Variants in NRCAM observed in about 807,000 individuals in gnomAD.
NRCAM encodes the protein neuronal cell adhesion molecule.
In NRCAM, 83 loss-of-function variants were observed where a neutral mutation model predicts 156.5. The observed-to-expected ratio is 0.53, with a 90% CI of 0.44 to 0.64. NRCAM has a LOEUF of 0.64. Ranked by LOEUF, NRCAM falls within the 30% of genes least tolerant of loss-of-function variation. The pLI is 0.00. For missense variants in NRCAM, 1,417 were observed against 1,597.3 expected, an observed-to-expected ratio of 0.89 and a Z score of 1.92; for synonymous variants, 538 against 563.9, an observed-to-expected ratio of 0.95 and a Z score of 0.65.
At chr7:108,405,631 G>A (rs1224109485) in intron 1 of NRCAM, among the ~76,000 whole-genome samples, 1 of 152,160 alleles carries the variant, frequency 6.6e-6, no homozygotes, top group Non-Finnish European at 1.5e-5. Flanking sequence ...TGCTCAAAGA[G>A]TTAAGCAAAC....
chr7:108,219,843 C>T (rs1010471109), intron 11 of NRCAM, among the ~76,000 whole-genome samples: 29 of 152,086 alleles, frequency 1.9e-4, no homozygotes, highest in African/African-American at 7.0e-4. Context: ...ACTGGAAGTC[C>T]TAGCCAGAGC....
chr7:108,448,609 C>A (rs1435085426), intron 1 of NRCAM, among the ~76,000 whole-genome samples: 1 of 152,162 alleles, frequency 6.6e-6, no homozygotes, highest in East Asian at 1.9e-4. Context: ...ATAATACATT[C>A]TAGTACCCTC....
At chr7:108,432,363 G>A (rs987667944) in intron 1 of NRCAM, among the ~76,000 whole-genome samples, 3 of 152,270 alleles carry the variant, frequency 2.0e-5, no homozygotes, top group East Asian at 1.9e-4. Context: ...CTTCTTGTTC[G>A]AAGAATTGGT....
chr7:108,450,850 T>C (rs955479993), intron 1 of NRCAM, among the ~76,000 whole-genome samples: 5 of 152,240 alleles, frequency 3.3e-5, no homozygotes, highest in Admixed American at 6.5e-5. Flanking sequence ...TCCATATTAA[T>C]AAATGTTAAA....
chr7:108,295,344 TATAAC>T (rs2098433573), intron 3 of NRCAM, among the ~76,000 whole-genome samples: 1 of 152,190 alleles, frequency 6.6e-6, no homozygotes, highest in African/African-American at 2.4e-5. Flanking sequence ...TTCAGGCTGT[TATAAC>T]AAAGTACCAT....
At chr7:108,411,298 C>G (rs1331694829) in intron 1 of NRCAM, among the ~76,000 whole-genome samples, 1 of 152,022 alleles carries the variant, frequency 6.6e-6, no homozygotes, top group African/African-American at 2.4e-5. Flanking sequence ...GGATGATACC[C>G]TTAAGGTTTT....
At chr7:108,300,834 TACTC>T (rs992368659) in intron 3 of NRCAM, among the ~76,000 whole-genome samples, 6 of 152,206 alleles carry the variant, frequency 3.9e-5, no homozygotes, top group Admixed American at 6.5e-5. Context: ...TAAAATATCA[TACTC>T]AATACAACTC....
At chr7:108,335,134 A>AT (rs1287455565) in intron 2 of NRCAM, among the ~76,000 whole-genome samples, 1 of 152,306 alleles carries the variant, frequency 6.6e-6, no homozygotes, top group East Asian at 1.9e-4. Context: ...GAGCAAGAAA[A>AT]TTATGGAGCT....
intron 6 of NRCAM, among the ~76,000 whole-genome samples, chr7:108,232,975 T>C (rs1398798988): frequency 6.6e-6 from 1 of 152,158 alleles, no homozygotes; most frequent in Admixed American, 6.6e-5. Context: ...ATCAGACAAA[T>C]TTCAAGTTAC....
chr7:108,221,468 A>G (rs2092247737), intron 11 of NRCAM, among the ~76,000 whole-genome samples: 1 of 152,172 alleles, frequency 6.6e-6, no homozygotes. Flanking sequence ...TCAATCAACA[A>G]GTGGATAAAG....
intron 13 of NRCAM, among the ~76,000 whole-genome samples, chr7:108,200,290 T>C (rs1026119284): frequency 6.6e-6 from 1 of 152,202 alleles, no homozygotes; most frequent in African/African-American, 2.4e-5. Flanking sequence ...ACAGGGTATA[T>C]AGATTCGTTG....
In NRCAM at chr7:108,240,143, A is replaced by G. The variant is rs2095429888; in HGVS notation, c.-79T>C. ...AAAGATTTTGTGAAACGTTGTGTGC[A>G]ACGTTTAAGTAATTTTCATGCGGGA... On this transcript the variant is annotated 5_prime_UTR_variant, in exon 4 of 33. Coordinates refer to ENST00000379028, the MANE Select transcript of NRCAM (RefSeq NM_001037132.4). 1.1e-6 allele frequency: 1 copy of G among 924,550 alleles called. No homozygotes were observed. The highest frequency in any genetic ancestry group is 1.7e-5 in the African/African-American group (1 of 60,390). The allele number at this position is 924,550 out of a possible 1,614,324, so 57.3% of individuals were successfully genotyped here. A position where few individuals can be genotyped will look rare whatever the true frequency, so the allele number is the denominator to read the frequency against.
In NRCAM at chr7:108,195,847, A is replaced by C; in HGVS notation, c.1377T>G (p.Pro459=). 1 of 1,613,164 alleles carries C rather than the reference A, an allele frequency of 6.2e-7. No individual in the cohort carries two copies. Residue 459 remains proline (P), a synonymous_variant, in exon 15 of 33, where the codon CCT becomes CCG. Transcript: ENST00000379028. ...CAATGACCTGGTAGAGTGTGTTTGC[A>C]GGTGTGAGGATTCGTGGTGGCTCAG... ...VLAEPPRILT[P]ANTLYQVIAN...
At chr7:108,182,985 C>A in intron 22 of NRCAM, 65 bp from the exon 23 acceptor site, 1 of 1,299,014 alleles carries the variant, frequency 7.7e-7, no homozygotes, top group African/African-American at 1.5e-5. Flanking sequence ...TTTACAGGAA[C>A]AGCAAATTCA....
intron 2 of NRCAM, among the ~76,000 whole-genome samples, chr7:108,333,932 T>G (rs2099152544): frequency 6.6e-6 from 1 of 152,174 alleles, no homozygotes; most frequent in African/African-American, 2.4e-5. Context: ...CAGTTCTTGT[T>G]TGAATGTGTG....
intron 3 of NRCAM, among the ~76,000 whole-genome samples, chr7:108,294,314 T>C (rs1257404206): frequency 4.7e-5 from 7 of 147,590 alleles, no homozygotes; most frequent in African/African-American, 1.5e-4. Flanking sequence ...CATGGGCTCC[T>C]GCCCAGAAGG....
intron 3 of NRCAM, among the ~76,000 whole-genome samples, chr7:108,272,751 TTTTTC>T (rs1209431702): frequency 6.6e-6 from 1 of 152,054 alleles, no homozygotes; most frequent in Non-Finnish European, 1.5e-5. Context: ...GAATTCTATT[TTTTTC>T]TTTATTATTA....
chr7:108,451,420 T>A (rs145635874), intron 1 of NRCAM, among the ~76,000 whole-genome samples: 1 of 144,734 alleles, frequency 6.9e-6, no homozygotes, highest in Non-Finnish European at 1.5e-5. Flanking sequence ...CAAAAAAAAA[T>A]AGAACTACCA....
intron 3 of NRCAM, among the ~76,000 whole-genome samples, chr7:108,310,065 C>T (rs74449292): frequency 2.6e-5 from 4 of 152,190 alleles, no homozygotes; most frequent in African/African-American, 9.6e-5. Context: ...ATTGTAAAGT[C>T]CAAGGGAAAG....
Sources: allele counts gnomAD v4.1 joint callset (sites outside exome capture counted in the v4.1 genomes callset), GRCh38; gene constraint gnomAD v4.1.1; transcripts MANE v1.5; gene names NCBI Gene and HGNC (gene_info 2026-07-23, HGNC 2026-07-21).